Variants in MOB3B observed in about 807,000 individuals in gnomAD.
MOB3B encodes MOB kinase activator 3B.
Under a neutral mutation model 18.7 loss-of-function variants are expected in MOB3B, and 7 were observed. That is an observed-to-expected ratio of 0.37 (90% CI 0.21 to 0.70). The LOEUF (loss-of-function observed/expected upper bound fraction) is 0.70. MOB3B is among the 30% of genes least tolerant of loss of function. The pLI is 0.52. For synonymous variants in MOB3B, 111 were observed against 99.9 expected (o/e 1.11, Z -0.66); for missense variants, 253 against 281.3 (o/e 0.90, Z 0.72).
intron 1 of MOB3B, among the ~76,000 whole-genome samples, chr9:27,458,485 T>C (rs924718725): frequency 1.3e-5 from 2 of 150,934 alleles, no homozygotes; most frequent in Non-Finnish European, 2.9e-5. Flanking sequence ...ATTTTTCTTC[T>C]AGAGATACTC....
chr9:27,430,633 T>G (rs1822404167), intron 2 of MOB3B, among the ~76,000 whole-genome samples: 1 of 152,178 alleles, frequency 6.6e-6, no homozygotes, highest in African/African-American at 2.4e-5. Context: ...TTTTTTATAG[T>G]TAACTGAAAA....
intron 1 of MOB3B, among the ~76,000 whole-genome samples, chr9:27,476,180 G>C (rs562593143): frequency 6.6e-6 from 1 of 152,296 alleles, no homozygotes; most frequent in South Asian, 2.1e-4. Context: ...TCACTTCAAG[G>C]CTGTATTAGT....
At chr9:27,337,283 T>C (rs1820878206) in intron 3 of MOB3B, among the ~76,000 whole-genome samples, 1 of 152,260 alleles carries the variant, frequency 6.6e-6, no homozygotes, top group African/African-American at 2.4e-5. Context: ...ATTCCACTTC[T>C]TAGAGACTTA....
intron 1 of MOB3B, among the ~76,000 whole-genome samples, chr9:27,525,765 A>G (rs1028315691): frequency 2.6e-5 from 4 of 152,228 alleles, no homozygotes; most frequent in African/African-American, 9.6e-5. Context: ...GTCCAGAGTC[A>G]TAATATGGAA....
At chr9:27,426,324 T>C (rs560669682) in intron 2 of MOB3B, among the ~76,000 whole-genome samples, 4 of 152,354 alleles carry the variant, frequency 2.6e-5, no homozygotes, top group Non-Finnish European at 5.9e-5. Flanking sequence ...AAAGGGGTTA[T>C]ACGTTTTGTT....
At chr9:27,486,866 C>T (rs941429786) in intron 1 of MOB3B, among the ~76,000 whole-genome samples, 1 of 152,170 alleles carries the variant, frequency 6.6e-6, no homozygotes, top group Non-Finnish European at 1.5e-5. Flanking sequence ...CGTGGTGGCT[C>T]ACGCTTGTAA....
intron 2 of MOB3B, among the ~76,000 whole-genome samples, chr9:27,444,636 A>G (rs1412316862): frequency 6.6e-6 from 1 of 152,198 alleles, no homozygotes; most frequent in Admixed American, 6.5e-5. Context: ...GAAAGGTTAT[A>G]ATTTCATCAA....
At chr9:27,444,292 G>GAAGGAAGGAAGA (rs370334369) in intron 2 of MOB3B, among the ~76,000 whole-genome samples, 5 of 136,624 alleles carry the variant, frequency 3.7e-5, no homozygotes, top group African/African-American at 1.1e-4. Flanking sequence ...GGGAGGGAAG[G>GAAGGAAGGAAGA]AAGGAAGGAA....
intron 3 of MOB3B, 122 bp downstream of exon 3, chr9:27,358,912 C>A: frequency 9.9e-7 from 1 of 1,012,452 alleles, no homozygotes; most frequent in South Asian, 1.3e-5. Flanking sequence ...CCATTCAATT[C>A]TGCAGCCCTC....
chr9:27,484,488 A>G (rs779003879), intron 1 of MOB3B, among the ~76,000 whole-genome samples: 1 of 152,222 alleles, frequency 6.6e-6, no homozygotes, highest in Non-Finnish European at 1.5e-5. Flanking sequence ...GTAAGAAGAG[A>G]GCAAACTGAA....
chr9:27,405,875 A>G (rs1228177568), intron 2 of MOB3B, among the ~76,000 whole-genome samples: 3 of 152,250 alleles, frequency 2.0e-5, no homozygotes, highest in Non-Finnish European at 4.4e-5. Context: ...GAAATTCAAC[A>G]TTGATTCATG....
chr9:27,499,663 A>G (rs1027850145), intron 1 of MOB3B, among the ~76,000 whole-genome samples: 4 of 152,214 alleles, frequency 2.6e-5, no homozygotes, highest in Non-Finnish European at 5.9e-5. Flanking sequence ...TTAGAATGGC[A>G]ACTTCTAGTT....
At chr9:27,519,922 G>C (rs1324547391) in intron 1 of MOB3B, among the ~76,000 whole-genome samples, 1 of 151,878 alleles carries the variant, frequency 6.6e-6, no homozygotes, top group Non-Finnish European at 1.5e-5. Flanking sequence ...TAAAATAGCT[G>C]CACACAACCT....
intron 3 of MOB3B, among the ~76,000 whole-genome samples, chr9:27,345,231 T>C (rs1388053811): frequency 2.6e-5 from 4 of 152,028 alleles, no homozygotes; most frequent in Admixed American, 6.6e-5. Context: ...AAACTAAAAA[T>C]TGCTCTCTAA....
intron 1 of MOB3B, 54 bp from the exon 2 acceptor site, chr9:27,455,802 A>G: frequency 7.3e-7 from 1 of 1,375,884 alleles, no homozygotes; most frequent in South Asian, 1.6e-5. Context: ...CCTTTAAAAA[A>G]TGACAGTCTT....
At chr9:27,336,072 G>T (rs957803509) in intron 3 of MOB3B, among the ~76,000 whole-genome samples, 16 of 152,184 alleles carry the variant, frequency 1.1e-4, no homozygotes, top group African/African-American at 3.1e-4. Flanking sequence ...CGATGGGGAA[G>T]GCACTTAGAC....
chr9:27,437,674 T>C (rs912583139), intron 2 of MOB3B, among the ~76,000 whole-genome samples: 1 of 152,212 alleles, frequency 6.6e-6, no homozygotes, highest in African/African-American at 2.4e-5. Flanking sequence ...CACTGATGCA[T>C]TTTACATTTG....
chr9:27,509,530 C>G (rs181889959), intron 1 of MOB3B, among the ~76,000 whole-genome samples: 8 of 152,190 alleles, frequency 5.3e-5, no homozygotes, highest in Non-Finnish European at 1.2e-4. Flanking sequence ...GATCCTCCCA[C>G]CTCAGCCTCC....
intron 2 of MOB3B, among the ~76,000 whole-genome samples, chr9:27,436,134 T>C (rs1428946007): frequency 6.6e-6 from 1 of 152,212 alleles, no homozygotes; most frequent in Non-Finnish European, 1.5e-5. Context: ...ACCCTTCTGG[T>C]CTCACCTAAA....
Sources: allele counts gnomAD v4.1 joint callset (sites outside exome capture counted in the v4.1 genomes callset), GRCh38; gene constraint gnomAD v4.1.1; transcripts MANE v1.5; gene names NCBI Gene and HGNC (gene_info 2026-07-23, HGNC 2026-07-21).